SLF2: variants seen among roughly 807,000 people sequenced by gnomAD.
SLF2 encodes the protein SMC5-SMC6 complex localization factor protein 2.
SLF2 carries 68 observed loss-of-function variants against 124.3 expected under a neutral mutation model. That is an observed-to-expected ratio of 0.55 (90% CI 0.45 to 0.67). SLF2 has a LOEUF of 0.67. SLF2 is among the 30% of genes least tolerant of loss of function. The probability of loss-of-function intolerance (pLI) is 0.00; values close to 1 mark genes in which losing one functional copy is unlikely to be tolerated. For missense variants in SLF2, 1,246 were observed against 1,373.7 expected, an observed-to-expected ratio of 0.91 and a Z score of 1.47; for synonymous variants, 480 against 478.8, an observed-to-expected ratio of 1.00 and a Z score of -0.03.
intron 9 of SLF2, among the ~76,000 whole-genome samples, chr10:100,931,941 A>C (rs1165965314): frequency 6.6e-6 from 1 of 152,096 alleles, no homozygotes; most frequent in Non-Finnish European, 1.5e-5. Context: ...ACAGTGAGCC[A>C]AGATTGCTCC....
chr10:100,944,750 C>A lies in SLF2; in HGVS notation c.2758-580C>A, dbSNP rs1248779824. Among the ~76,000 whole-genome samples, 6 of 151,766 alleles carry A rather than the reference C, an allele frequency of 4.0e-5. 1 individual carries two copies. In the South Asian group the frequency reaches 1.3e-3, roughly 32 times the overall value. On this transcript the variant is annotated intron_variant, in intron 12 of 19. Coordinates refer to ENST00000238961, the MANE Select transcript of SLF2 (RefSeq NM_018121.4). ...TCAAGAGTTAATGGCAGAGGCCGGG[C>A]GCGGTGGCTCATGCCTGTAATCCCA... is the stretch of plus-strand genomic sequence containing the variant.
chr10:100,918,278 C>T (rs956886112), intron 3 of SLF2, 106 bp from the exon 4 acceptor site: 23 of 625,854 alleles, frequency 3.7e-5, no homozygotes, highest in Non-Finnish European at 6.0e-5. Context: ...AATATGGGTG[C>T]TTGCCTTATT....
rs879338416 is a variant in SLF2 at position 100,956,084 on chromosome 10, C to CT, written c.3331-354dup. On this transcript the variant is annotated intron_variant, in intron 17 of 19. Transcript: ENST00000238961. ...CCCCATTTCTTTAAAAAATTTTTTTCTTTTTTTTTTTTTAAAAGGCTAGCC... is the reference window on the plus strand; with the variant it reads ...CCCCATTTCTTTAAAAAATTTTTTTCTTTTTTTTTTTTTTAAAAGGCTAGCC... Among the ~76,000 whole-genome samples the CT allele has an allele frequency of 7.9e-3, 1,118 of 141,974 alleles. 12 individuals are homozygous for CT. Among genetic ancestry groups the CT allele is most frequent in the African/African-American group, 0.026 (1,004 of 38,846 alleles). 93.1% of individuals were successfully genotyped at this position (141,974 alleles called of 152,430 possible).
intron 9 of SLF2, among the ~76,000 whole-genome samples, chr10:100,936,411 G>A (rs1432760732): frequency 1.3e-5 from 2 of 152,056 alleles, no homozygotes; most frequent in Non-Finnish European, 2.9e-5. Flanking sequence ...TCAGCTCACT[G>A]CAAGCTCTGC....
chr10:100,954,617 C>T (rs1307831782), intron 17 of SLF2, among the ~76,000 whole-genome samples: 1 of 151,972 alleles, frequency 6.6e-6, no homozygotes, highest in Non-Finnish European at 1.5e-5. Flanking sequence ...TAAGTATGAA[C>T]CTCTATTAAT....
intron 19 of SLF2, among the ~76,000 whole-genome samples, chr10:100,961,411 A>G (rs1426949961): frequency 6.6e-6 from 1 of 152,190 alleles, no homozygotes; most frequent in African/African-American, 2.4e-5. Flanking sequence ...TATATTTTAT[A>G]TCAAAATAAT....
rs1433009265 is a variant in SLF2 at position 100,924,973 on chromosome 10, G to A, written c.1971+1G>A. 2 of 1,605,396 alleles carry A rather than the reference G, an allele frequency of 1.2e-6. No homozygotes were observed. Among genetic ancestry groups the A allele is most frequent in the African/African-American group, 2.7e-5 (2 of 74,434 alleles). On this transcript the variant is annotated splice_donor_variant, in intron 5 of 19. Transcript: ENST00000238961. LOFTEE classifies it high-confidence loss of function. ...TAGATCTCAGTCATCAGACTATACA[G>A]TAAGTAGTTCTGTGACGTTTATCTT...
Position 100,929,366 on chromosome 10 carries a change from G to A in SLF2, c.2092G>A (p.Gly698Ser). Residue 698 changes from glycine (G) to serine (S), a missense_variant, in exon 7 of 20, where the codon GGC (glycine) becomes AGC (serine). Transcript: ENST00000238961. ...ACAAGAAGACATAAGGCAAGGCCGAGGCATTAAATCCCCAATCAGAATTGG... is the reference window on the plus strand; with the variant it reads ...ACAAGAAGACATAAGGCAAGGCCGAAGCATTAAATCCCCAATCAGAATTGG... ...QLQEDIRQGR[G>S]IKSPIRIGEE... 1 of 1,613,298 alleles carries A rather than the reference G, an allele frequency of 6.2e-7. No homozygotes were observed. The highest frequency in any genetic ancestry group is 1.1e-5 in the South Asian group (1 of 91,016).
chr10:100,926,258 G>C, intron 6 of SLF2: 5 of 1,509,970 alleles, frequency 3.3e-6, no homozygotes, highest in Non-Finnish European at 4.4e-6. Context: ...GCGGTGAGTC[G>C]TGATGGCGCC....
intron 8 of SLF2, among the ~76,000 whole-genome samples, chr10:100,930,263 A>C (rs1429350422): frequency 6.6e-6 from 1 of 152,212 alleles, no homozygotes; most frequent in Non-Finnish European, 1.5e-5. Context: ...TGGTTTAAAC[A>C]AGAAGTATAT....
chr10:100,962,787 A>G lies in SLF2; in HGVS notation c.*875A>G, dbSNP rs903392581. 9.2e-5 allele frequency: 14 copies of G among 152,506 alleles called. No homozygotes were observed. Among genetic ancestry groups the G allele is most frequent in the Non-Finnish European group, 1.6e-4 (11 of 68,028 alleles). 9.4% of individuals were successfully genotyped at this position (152,506 alleles called of 1,614,324 possible). On this transcript the variant is annotated 3_prime_UTR_variant, in exon 20 of 20. Coordinates refer to ENST00000238961, the MANE Select transcript of SLF2 (RefSeq NM_018121.4). ...ACAAGTTTCCAACAACCTTGTTTCC[A>G]TGAGTATATAATTTTGGCAGACACC... is the stretch of plus-strand genomic sequence containing the variant.
chr10:100,945,232 C>A, intron 12 of SLF2, 98 bp from the exon 13 acceptor site: 2 of 1,008,994 alleles, frequency 2.0e-6, no homozygotes, highest in Non-Finnish European at 2.8e-6. Flanking sequence ...CTTTATAGTT[C>A]TTTTTTGCAT....
intron 4 of SLF2, among the ~76,000 whole-genome samples, chr10:100,922,673 C>T (rs1339953990): frequency 1.3e-5 from 2 of 151,854 alleles, no homozygotes; most frequent in Non-Finnish European, 2.9e-5. Flanking sequence ...TGCTTTGGTA[C>T]CTAGGCTGGT....
intron 2 of SLF2, 79 bp downstream of exon 2, chr10:100,916,121 C>A: frequency 9.2e-7 from 1 of 1,090,022 alleles, no homozygotes; most frequent in South Asian, 1.6e-5. Context: ...AAAACCTACT[C>A]TAAACTGTTT....
At chr10:100,950,983 G>A (rs1464646947) in intron 17 of SLF2, among the ~76,000 whole-genome samples, 1 of 152,230 alleles carries the variant, frequency 6.6e-6, no homozygotes, top group Non-Finnish European at 1.5e-5. Flanking sequence ...GCTCACGCCT[G>A]TAATCCCAAC....
At position 100,956,630 on chromosome 10, in the gene SLF2, A is replaced by T. The variant is rs188319780; in HGVS notation, c.3417+93A>T. 1.1e-4 allele frequency: 101 copies of T among 923,276 alleles called. 1 individual carries two copies. The highest frequency in any genetic ancestry group is 8.3e-4 in the East Asian group (33 of 39,884). The allele number at this position is 923,276 out of a possible 1,614,324, so 57.2% of individuals were successfully genotyped here. The stretch of plus-strand genomic sequence containing the variant: ...GAAGCATACAGGCCTATATTCAGAA[A>T]AAGAACATATAAGGCTAGGCATGGT... On this transcript the variant is annotated intron_variant, in intron 18 of 19. Coordinates refer to ENST00000238961, the MANE Select transcript of SLF2 (RefSeq NM_018121.4).
chr10:100,955,921 G>A (rs1218693542), intron 17 of SLF2, among the ~76,000 whole-genome samples: 3 of 136,384 alleles, frequency 2.2e-5, no homozygotes, highest in African/African-American at 8.2e-5. Flanking sequence ...AAAAAAAAAA[G>A]AACTGGGCAC....
In SLF2 at chr10:100,947,034, T is replaced by C. The variant is rs372463109; in HGVS notation, c.2935-5T>C. 4 of 1,611,728 alleles carry C rather than the reference T, an allele frequency of 2.5e-6. No homozygotes were observed. In the South Asian group the frequency reaches 3.3e-5, roughly 13 times the overall value. Reference sequence around the variant, plus strand: ...AAAGAAATCTTACATGTTCTTTTTTTTCAGGTGCCTGAACTCTGTCTGGGC... The same window carrying C: ...AAAGAAATCTTACATGTTCTTTTTTCTCAGGTGCCTGAACTCTGTCTGGGC... On this transcript the variant is annotated splice_region_variant and splice_polypyrimidine_tract_variant and intron_variant, in intron 13 of 19. Coordinates refer to ENST00000238961, the MANE Select transcript of SLF2 (RefSeq NM_018121.4).
rs766757379 is a variant in SLF2, at chr10:100,929,927, A to T, written c.2263A>T (p.Asn755Tyr). 2 of 1,602,716 alleles carry T rather than the reference A, an allele frequency of 1.2e-6. No homozygotes were observed. The highest frequency in any genetic ancestry group is 1.7e-6 in the Non-Finnish European group (2 of 1,175,772). The part of the protein sequence containing the change: ...FNFLNSGKIF[N>Y]QYTLDLRDSG... ...TTTCCTCAATTCTGGAAAAATTTTC[A>T]ATCAGTATACCTTGGATTTAAGAGA... The change falls in exon 8 of 20, where the codon AAT becomes TAT. Residue 755 changes from asparagine to tyrosine, a missense_variant. Physicochemically the swap from Asn to Tyr is moderately radical, Grantham distance 143 (BLOSUM62 -2). This residue lies in a region of SLF2 where 535 missense variants were observed against 632.8 expected (regional missense o/e 0.85). Transcript: ENST00000238961.
Sources: allele counts gnomAD v4.1 joint callset (sites outside exome capture counted in the v4.1 genomes callset), GRCh38; gene constraint gnomAD v4.1.1; regional missense constraint gnomAD v4.1.1; transcripts MANE v1.5; gene names NCBI Gene and HGNC (gene_info 2026-07-23, HGNC 2026-07-21).